CCDC7: variants seen among roughly 807,000 people sequenced by gnomAD.
The protein encoded by CCDC7 is coiled-coil domain containing 7.
CCDC7 carries 183 observed loss-of-function variants against 196.9 expected under a neutral mutation model. That is an observed-to-expected ratio of 0.93 (90% CI 0.82 to 1.05). The LOEUF is 1.05. CCDC7 is among the 50% of genes least tolerant of loss of function. The pLI, the probability that CCDC7 is intolerant of heterozygous loss-of-function variation, is 0.00. For synonymous variants in CCDC7, 525 were observed against 484.6 expected (o/e 1.08, Z -1.10); for missense variants, 1,540 against 1,482.2 (o/e 1.04, Z -0.64).
At chr10:32,773,406 G>A (rs73243849) in intron 28 of CCDC7, among the ~76,000 whole-genome samples, 6,932 of 151,846 alleles carry the variant, frequency 0.046, 535 homozygotes, top group African/African-American at 0.16. Context: ...AATTTCATAT[G>A]TTCTGTCTTT....
intron 23 of CCDC7, among the ~76,000 whole-genome samples, chr10:32,692,185 G>A (rs921044953): frequency 5.9e-5 from 9 of 152,172 alleles, no homozygotes; most frequent in African/African-American, 1.9e-4. Context: ...TTAGGGGAGT[G>A]CCTAGGGCTA....
intron 41 of CCDC7, among the ~76,000 whole-genome samples, chr10:32,870,287 G>A (rs1490844069): frequency 6.6e-6 from 1 of 152,100 alleles, no homozygotes; most frequent in African/African-American, 2.4e-5. Flanking sequence ...GCAGTGGTTT[G>A]TAGTTCTCCT....
chr10:32,609,339 A>G (rs2061851909), intron 18 of CCDC7, among the ~76,000 whole-genome samples: 2 of 151,784 alleles, frequency 1.3e-5, no homozygotes, highest in Admixed American at 1.3e-4. Context: ...GGCTGAGTTG[A>G]TCCTGTTATT....
intron 28 of CCDC7, among the ~76,000 whole-genome samples, chr10:32,764,605 G>A (rs1371654439): frequency 6.6e-6 from 1 of 151,858 alleles, no homozygotes; most frequent in Non-Finnish European, 1.5e-5. Flanking sequence ...AAAAGGAAGG[G>A]ATTCGAAGGC....
chr10:32,503,787 T>C (rs2044435527), intron 9 of CCDC7, among the ~76,000 whole-genome samples: 1 of 152,178 alleles, frequency 6.6e-6, no homozygotes, highest in South Asian at 2.1e-4. Context: ...TTTTTTATTA[T>C]TGATTGACAC....
chr10:32,482,106 T>C (rs1196645173), intron 8 of CCDC7, among the ~76,000 whole-genome samples: 1 of 151,270 alleles, frequency 6.6e-6, no homozygotes, highest in African/African-American at 2.4e-5. Flanking sequence ...TTTTCTTTTC[T>C]TTTTTTTTAA....
chr10:32,685,574 G>T (rs2076375393), intron 21 of CCDC7, among the ~76,000 whole-genome samples: 1 of 152,020 alleles, frequency 6.6e-6, no homozygotes, highest in South Asian at 2.1e-4. Context: ...TATATACATT[G>T]GCTTATTCAA....
At position 32,543,313 on chromosome 10, in the gene CCDC7, C is replaced by T. The variant is rs771863122; in HGVS notation, c.1007C>T (p.Thr336Ile). The change falls in exon 12 of 42, where the codon ACA becomes ATA. Residue 336 changes from threonine to isoleucine, a missense_variant. Thr to Ile is a moderately conservative substitution (Grantham distance 89, BLOSUM62 -1). Coordinates refer to ENST00000639629, the Ensembl canonical transcript of CCDC7. ...AAAATTATACAGAAAACTAAGCCTA[C>T]AAATAATCGAACAAAGAAAGCTGTG... 3 of 1,445,400 alleles carry T rather than the reference C, an allele frequency of 2.1e-6. No homozygotes were observed. In the East Asian group the frequency reaches 7.5e-5, roughly 36 times the overall value. The allele number at this position is 1,445,400 out of a possible 1,614,324, so 89.5% of individuals were successfully genotyped here.
At chr10:32,695,497 T>TCTACC (rs2077595845) in intron 24 of CCDC7, among the ~76,000 whole-genome samples, 3 of 152,166 alleles carry the variant, frequency 2.0e-5, no homozygotes, top group African/African-American at 7.2e-5. Context: ...ATTGGTAACC[T>TCTACC]GATAGATGGT....
intron 28 of CCDC7, among the ~76,000 whole-genome samples, chr10:32,740,679 G>A (rs548366022): frequency 2.1e-4 from 32 of 150,324 alleles, no homozygotes; most frequent in Admixed American, 4.0e-4. Flanking sequence ...GATTCCAGCA[G>A]TGTGCATAAT....
At chr10:32,803,143 T>C (rs1423960092) in intron 29 of CCDC7, among the ~76,000 whole-genome samples, 1 of 152,236 alleles carries the variant, frequency 6.6e-6, no homozygotes, top group African/African-American at 2.4e-5. Flanking sequence ...TGATCTTCCA[T>C]GTGCCAATGA....
intron 11 of CCDC7, among the ~76,000 whole-genome samples, chr10:32,524,050 C>T (rs561775396): frequency 6.9e-6 from 1 of 145,354 alleles, no homozygotes; most frequent in East Asian, 2.0e-4. Flanking sequence ...TGTTTTACAG[C>T]CTTATCTTTC....
chr10:32,578,436 A>G (rs1285976128), intron 16 of CCDC7, among the ~76,000 whole-genome samples: 1 of 151,282 alleles, frequency 6.6e-6, no homozygotes, highest in Non-Finnish European at 1.5e-5. Flanking sequence ...TATACAACTC[A>G]CCTTAATGTA....
At chr10:32,630,378 C>T (rs752930340) in intron 18 of CCDC7, among the ~76,000 whole-genome samples, 19 of 151,862 alleles carry the variant, frequency 1.3e-4, no homozygotes, top group Non-Finnish European at 2.2e-4. Context: ...ATATATGAAA[C>T]AAGCCCCTTA....
chr10:32,565,396 TTC>T (rs1312843955), intron 13 of CCDC7, among the ~76,000 whole-genome samples, 160 bp from the exon 15 acceptor site: 7 of 152,218 alleles, frequency 4.6e-5, no homozygotes, highest in African/African-American at 1.7e-4. Flanking sequence ...AAGCTTTAGC[TTC>T]AGGTATTATC....
At chr10:32,613,376 T>C (rs796413082) in intron 18 of CCDC7, among the ~76,000 whole-genome samples, 2 of 149,206 alleles carry the variant, frequency 1.3e-5, no homozygotes, top group African/African-American at 4.9e-5. Flanking sequence ...CTGGATTCAT[T>C]GATTTTTTTG....
chr10:32,445,353 T>C (rs2030706702), upstream of CCDC7, among the ~76,000 whole-genome samples: 1 of 152,130 alleles, frequency 6.6e-6, no homozygotes, highest in Admixed American at 6.5e-5. Context: ...TACTGGAAAA[T>C]TAGAAATAAT....
At chr10:32,882,125 G>T (rs1181155604), downstream of CCDC7, among the ~76,000 whole-genome samples, 1 of 152,134 alleles carries the variant, frequency 6.6e-6, no homozygotes, top group Non-Finnish European at 1.5e-5. Flanking sequence ...CTTTATTAAA[G>T]ACCATTGCAA....
chr10:32,805,018 C>A, exon 30 of CCDC7: 1 of 1,594,626 alleles, frequency 6.3e-7, no homozygotes. Context: ...TCTATAGAGA[C>A]TGATATAGAA....
Sources: allele counts gnomAD v4.1 joint callset (sites outside exome capture counted in the v4.1 genomes callset), GRCh38; gene constraint gnomAD v4.1.1; transcripts MANE v1.5; gene names NCBI Gene and HGNC (gene_info 2026-07-23, HGNC 2026-07-21).